The following STAB2 variants were observed in gnomAD, a reference collection of about 807,000 sequenced individuals.
STAB2 encodes stabilin-2.
Under a neutral mutation model 338.1 loss-of-function variants are expected in STAB2, and 288 were observed. The ratio of observed to expected loss-of-function variants is 0.85; its 90% CI spans 0.77 to 0.94. The LOEUF is 0.94. STAB2 is among the 40% of genes least tolerant of loss of function. The pLI, the probability that STAB2 is intolerant of heterozygous loss-of-function variation, is 0.00. For synonymous variants in STAB2, 1,202 were observed against 1,193.3 expected, an observed-to-expected ratio of 1.01 and a Z score of -0.15; for missense variants, 3,141 against 3,210.1, an observed-to-expected ratio of 0.98 and a Z score of 0.52.
intron 63 of STAB2, among the ~76,000 whole-genome samples, chr12:103,757,083 T>C (rs1884187403): frequency 6.7e-6 from 1 of 149,340 alleles, no homozygotes. Flanking sequence ...TATATATTTA[T>C]ATATATTTTG....
chr12:103,635,137 C>G (rs1957523922), intron 6 of STAB2, among the ~76,000 whole-genome samples: 1 of 152,312 alleles, frequency 6.6e-6, no homozygotes, highest in South Asian at 2.1e-4. Flanking sequence ...GCTCTTTGTT[C>G]CAGATCATCT....
chr12:103,669,273 T>C, intron 20 of STAB2: 1 of 412,560 alleles, frequency 2.4e-6, no homozygotes. Context: ...CTTCCCCAAC[T>C]TAGAACGTTG....
intron 53 of STAB2, among the ~76,000 whole-genome samples, chr12:103,738,031 T>C (rs1178887659): frequency 6.6e-6 from 1 of 152,166 alleles, no homozygotes; most frequent in Non-Finnish European, 1.5e-5. Flanking sequence ...CCCTTATCAT[T>C]GAGAAAACAG....
chr12:103,613,690 T>A (rs1412627050), intron 3 of STAB2, among the ~76,000 whole-genome samples: 1 of 152,116 alleles, frequency 6.6e-6, no homozygotes, highest in African/African-American at 2.4e-5. Flanking sequence ...CTGCACCCAC[T>A]GTCCTGCACC....
chr12:103,766,162 C>T, intron 68 of STAB2, 124 bp from the exon 69 acceptor site: 3 of 1,315,286 alleles, frequency 2.3e-6, no homozygotes, highest in African/African-American at 1.4e-5. Flanking sequence ...AACAAACACG[C>T]CCAGCACATA....
chr12:103,644,525 CAATAAAAATAAATA>C (rs1299627459), intron 9 of STAB2, among the ~76,000 whole-genome samples: 1 of 145,430 alleles, frequency 6.9e-6, no homozygotes, highest in Non-Finnish European at 1.5e-5. Context: ...CAAGAATGAT[CAATAAAAATAAATA>C]AATAAATAAA....
intron 9 of STAB2, among the ~76,000 whole-genome samples, chr12:103,645,392 C>T (rs1271639748): frequency 6.6e-6 from 1 of 152,202 alleles, no homozygotes; most frequent in Non-Finnish European, 1.5e-5. Context: ...AAATATGATT[C>T]TCCTGCAATC....
At chr12:103,622,173 G>A in intron 5 of STAB2, 62 bp downstream of exon 5, 1 of 1,546,126 alleles carries the variant, frequency 6.5e-7, no homozygotes, top group Non-Finnish European at 8.9e-7. Context: ...GAGAAAGATT[G>A]CTCCTTGAGG....
At chr12:103,631,482 C>A in intron 5 of STAB2, 116 bp from the exon 6 acceptor site, 11 of 956,394 alleles carry the variant, frequency 1.2e-5, no homozygotes, top group East Asian at 2.5e-5. Flanking sequence ...AGAGAGGAGC[C>A]AAAGTTCAAA....
intron 24 of STAB2, 48 bp downstream of exon 24, chr12:103,676,069 T>TTTC: frequency 1.4e-6 from 2 of 1,419,648 alleles, no homozygotes; most frequent in East Asian, 2.3e-5. Context: ...TTTTTTTTTT[T>TTTC]TTTTTTTTTT....
intron 18 of STAB2, 35 bp from the exon 19 acceptor site, chr12:103,666,256 G>A (rs1355393533): frequency 6.2e-7 from 1 of 1,609,186 alleles, no homozygotes; most frequent in East Asian, 2.2e-5. Flanking sequence ...CCTCTCATAG[G>A]GACACCTGCA....
chr12:103,639,704 C>CAAAAAA (rs11449305), intron 8 of STAB2, among the ~76,000 whole-genome samples: 3 of 92,284 alleles, frequency 3.3e-5, no homozygotes, highest in African/African-American at 4.5e-5. Flanking sequence ...GACCCTGTCT[C>CAAAAAA]AAAAAAAAAA....
chr12:103,766,517 C>T lies in STAB2; in HGVS notation c.*181C>T. 2 of 646,164 alleles carry T rather than the reference C, an allele frequency of 3.1e-6. No homozygotes were observed. Among genetic ancestry groups the T allele is most frequent in the South Asian group, 2.0e-5 (1 of 51,270 alleles). 40.0% of individuals were successfully genotyped at this position (646,164 alleles called of 1,614,324 possible). On this transcript the variant is annotated 3_prime_UTR_variant, in exon 69 of 69. Coordinates refer to ENST00000388887, the MANE Select transcript of STAB2 (RefSeq NM_017564.10). Reference sequence around the variant, plus strand: ...TGAGAGATGTGTTGCTGTGCCCACCCAGTACAGCTTCCTCCTCTGACCCTT... The same window carrying T: ...TGAGAGATGTGTTGCTGTGCCCACCTAGTACAGCTTCCTCCTCTGACCCTT...
intron 27 of STAB2, among the ~76,000 whole-genome samples, chr12:103,686,533 C>G (rs1877449558): frequency 6.6e-6 from 1 of 152,150 alleles, no homozygotes; most frequent in African/African-American, 2.4e-5. Flanking sequence ...GAGACAAGAT[C>G]TCACTCTGTT....
intron 31 of STAB2, 120 bp from the exon 32 acceptor site, chr12:103,695,430 T>C: frequency 1.2e-6 from 1 of 809,758 alleles, no homozygotes; most frequent in African/African-American, 1.7e-5. Context: ...TTCAAAAGGT[T>C]GTCAATGTCA....
At chr12:103,739,569 G>GTA in intron 54 of STAB2, 101 bp downstream of exon 54, 1 of 829,004 alleles carries the variant, frequency 1.2e-6, no homozygotes, top group Non-Finnish European at 1.7e-6. Context: ...GTGTGTGTGT[G>GTA]TGTGCCCGTG....
chr12:103,645,920 G>A (rs1187200072), intron 9 of STAB2, among the ~76,000 whole-genome samples: 3 of 152,086 alleles, frequency 2.0e-5, no homozygotes, highest in African/African-American at 7.2e-5. Context: ...CTCTGGTTGA[G>A]AGCCAATTCT....
In STAB2 at chr12:103,705,582, G is replaced by A. The variant is rs779486837; in HGVS notation, c.3901-50G>A. ...CCCACCTACTTGCTTTCGGAGACTG[G>A]AAAACTTTTTCCTAACTTAGGAGCT... On this transcript the variant is annotated intron_variant, in intron 36 of 68. Coordinates refer to ENST00000388887, the MANE Select transcript of STAB2 (RefSeq NM_017564.10). 7.0e-6 allele frequency: 11 copies of A among 1,570,534 alleles called. No homozygotes were observed. The East Asian group carries it at 2.0e-4, about 29-fold the overall frequency.
At chr12:103,761,151 G>A in intron 65 of STAB2, 149 bp from the exon 66 acceptor site, 1 of 669,590 alleles carries the variant, frequency 1.5e-6, no homozygotes, top group South Asian at 1.8e-5. Context: ...GGGCTGTCCA[G>A]AGGGTGAGGA....
Sources: gnomAD v4.1 joint callset for allele counts (sites outside exome capture counted in the v4.1 genomes callset) on GRCh38, gnomAD v4.1.1 for gene constraint, MANE v1.5 for transcripts, NCBI Gene and HGNC (gene_info 2026-07-23, HGNC 2026-07-21) for gene names.